The following MAP3K1 variants were observed in gnomAD, a reference collection of about 807,000 sequenced individuals.
MAP3K1 encodes the protein MAP/ERK kinase kinase 1.
MAP3K1 carries 36 observed loss-of-function variants against 144.2 expected under a neutral mutation model. The observed-to-expected ratio is 0.25, with a 90% confidence interval of 0.19 to 0.33. The LOEUF (loss-of-function observed/expected upper bound fraction) is 0.33, where lower values mean the gene tolerates loss of function less well. Ranked by LOEUF, MAP3K1 falls within the 10% of genes least tolerant of loss-of-function variation. MAP3K1 has a pLI of 1.00. For synonymous variants in MAP3K1, 718 were observed against 688.7 expected, an observed-to-expected ratio of 1.04 and a Z score of -0.67; for missense variants, 1,650 against 1,881.9, an observed-to-expected ratio of 0.88 and a Z score of 2.28.
intron 6 of MAP3K1, among the ~76,000 whole-genome samples, chr5:56,869,075 C>G: frequency 6.6e-6 from 1 of 151,262 alleles, no homozygotes; most frequent in Non-Finnish European, 1.5e-5. Context: ...ATAGTGTGAC[C>G]CTGTCTGTAC....
chr5:56,885,817 C>T (rs1285788328), intron 16 of MAP3K1, 115 bp from the exon 17 acceptor site: 2 of 825,614 alleles, frequency 2.4e-6, no homozygotes, highest in East Asian at 2.7e-5. Context: ...AAATGTTTTT[C>T]TTCTGTTTCA....
intron 3 of MAP3K1, among the ~76,000 whole-genome samples, chr5:56,864,125 T>C (rs933524262): frequency 2.0e-5 from 3 of 152,210 alleles, no homozygotes; most frequent in Admixed American, 6.5e-5. Context: ...GCTTTTTGTT[T>C]TGGTTTATAT....
chr5:56,863,213 C>T (rs770224681), intron 3 of MAP3K1, among the ~76,000 whole-genome samples: 2 of 152,224 alleles, frequency 1.3e-5, no homozygotes, highest in Non-Finnish European at 2.9e-5. Context: ...TCAGAGATCT[C>T]TGAACTTGCG....
chr5:56,887,004 C>A (rs1748396962), intron 17 of MAP3K1, among the ~76,000 whole-genome samples: 1 of 152,168 alleles, frequency 6.6e-6, no homozygotes, highest in Non-Finnish European at 1.5e-5. Flanking sequence ...CTCAAGCGAC[C>A]CGCTTGCCTC....
Position 56,895,263 on chromosome 5 carries a change from CTTTGT to C in MAP3K1, c.*1588_*1592del. The stretch of plus-strand genomic sequence containing the variant: ...TGTTTCTTAGTGAAATTTTACATTC[CTTTGT>C]TTTGGAAGATTGGCGATATTTGAAG... On this transcript the variant is annotated 3_prime_UTR_variant, in exon 20 of 20. Transcript: ENST00000399503. The C allele has an allele frequency of 4.3e-6, 1 of 231,744 alleles. No homozygotes were observed. Among genetic ancestry groups the C allele is most frequent in the Non-Finnish European group, 8.5e-6 (1 of 117,324 alleles). 14.4% of individuals were successfully genotyped at this position (231,744 alleles called of 1,614,324 possible). A position where few individuals can be genotyped will look rare whatever the true frequency, so the allele number is the denominator to read the frequency against.
rs1382441843 is a variant in MAP3K1, at chr5:56,887,743, G to A, written c.4257+223G>A. The A allele has an allele frequency of 2.0e-5, 11 of 542,246 alleles. No individual in the cohort carries two copies. The East Asian group carries it at 3.6e-4, about 18-fold the overall frequency. 33.6% of individuals were successfully genotyped at this position (542,246 alleles called of 1,614,324 possible). A position where few individuals can be genotyped will look rare whatever the true frequency, so the allele number is the denominator to read the frequency against. On this transcript the variant is annotated intron_variant, in intron 18 of 19. Coordinates refer to ENST00000399503, the MANE Select transcript of MAP3K1 (RefSeq NM_005921.2). Reference sequence around the variant, plus strand: ...GTTTTAATAGATTTACTTAACGGCTGTTACTAATAAAGAATTCTGGGGTAA... The same window carrying A: ...GTTTTAATAGATTTACTTAACGGCTATTACTAATAAAGAATTCTGGGGTAA...
At chr5:56,835,188 A>G (rs953016739) in intron 1 of MAP3K1, among the ~76,000 whole-genome samples, 2 of 152,216 alleles carry the variant, frequency 1.3e-5, no homozygotes, top group Non-Finnish European at 2.9e-5. Flanking sequence ...TAGCAGGGAA[A>G]TACTAGCTCA....
chr5:56,889,493 A>T (rs1372740381), intron 19 of MAP3K1, among the ~76,000 whole-genome samples: 1 of 152,178 alleles, frequency 6.6e-6, no homozygotes, highest in Non-Finnish European at 1.5e-5. Flanking sequence ...TTAAAAATTC[A>T]CACCCAAGTC....
rs780666910 is a variant in MAP3K1, at chr5:56,882,270, A to C, written c.3070A>C (p.Lys1024Gln). 2.4e-5 allele frequency: 38 copies of C among 1,613,972 alleles called. No individual in the cohort carries two copies. Among genetic ancestry groups the C allele is most frequent in the Admixed American group, 6.7e-5 (4 of 59,982 alleles). ...TTCTGCATCTCCTCAAACACAGCGCAAGTTTTCTCTACAATTCCACAGAAA... is the reference window on the plus strand; with the variant it reads ...TTCTGCATCTCCTCAAACACAGCGCCAGTTTTCTCTACAATTCCACAGAAA... ...IPSASPQTQR[K>Q]FSLQFHRNCP... The change falls in exon 14 of 20, where the codon AAG becomes CAG. Residue 1024 changes from lysine to glutamine, a missense_variant. Lys to Gln is a moderately conservative substitution (Grantham distance 53). Around this residue, in one of 6 missense-constraint regions of MAP3K1, gnomAD observed 841 missense variants for 886.5 expected, o/e 0.95. Coordinates refer to ENST00000399503, the MANE Select transcript of MAP3K1 (RefSeq NM_005921.2).
chr5:56,880,678 C>G (rs1424760473), intron 11 of MAP3K1, 33 bp from the exon 12 acceptor site: 3 of 1,447,306 alleles, frequency 2.1e-6, no homozygotes, highest in South Asian at 2.3e-5. Context: ...TAGCCAAGAT[C>G]CAGGATTGAT....
In MAP3K1 at chr5:56,883,668, G is replaced by A. The variant is rs2111951660; in HGVS notation, c.3808G>A (p.Ala1270Thr). Residue 1270 changes from alanine (A) to threonine (T), a missense_variant, in exon 15 of 20, where the codon GCT (alanine) becomes ACT (threonine). Around this residue, in one of 6 missense-constraint regions of MAP3K1, gnomAD observed 165 missense variants for 322.9 expected, o/e 0.51. Coordinates refer to ENST00000399503, the MANE Select transcript of MAP3K1 (RefSeq NM_005921.2). ...AQDVGTGTLM[A>T]VKQVTYVRNT... ...AGATGTGGGAACTGGAACTTTAATGGCTGTTAAACAGGTAAATATCTAGTG... is the reference window on the plus strand; with the variant it reads ...AGATGTGGGAACTGGAACTTTAATGACTGTTAAACAGGTAAATATCTAGTG... 1 of 1,614,030 alleles carries A rather than the reference G, an allele frequency of 6.2e-7. No individual in the cohort carries two copies. The highest frequency in any genetic ancestry group is 8.5e-7 in the Non-Finnish European group (1 of 1,179,962).
At position 56,885,918 on chromosome 5, in the gene MAP3K1, C is replaced by G. The variant is rs761190982; in HGVS notation, c.3983-14C>G. On this transcript the variant is annotated splice_polypyrimidine_tract_variant and intron_variant, in intron 16 of 19. Transcript: ENST00000399503. Reference sequence around the variant, plus strand: ...TGTCTTAAGTTTATGATAATTATTTCTATTGTCTTATAGGGGGATCGGTGG... The same window carrying G: ...TGTCTTAAGTTTATGATAATTATTTGTATTGTCTTATAGGGGGATCGGTGG... The G allele has an allele frequency of 6.2e-7, 1 of 1,610,188 alleles. No individual in the cohort carries two copies. Among genetic ancestry groups the G allele is most frequent in the Non-Finnish European group, 8.5e-7 (1 of 1,176,718 alleles).
At chr5:56,859,048 G>A (rs1314227553) in intron 2 of MAP3K1, among the ~76,000 whole-genome samples, 2 of 136,978 alleles carry the variant, frequency 1.5e-5, no homozygotes, top group Non-Finnish European at 3.1e-5. Context: ...GGCTAGATTA[G>A]GTCTGAAAGC....
At position 56,817,244 on chromosome 5, in the gene MAP3K1, G is replaced by C. The variant is rs534807037; in HGVS notation, c.482+1189G>C. ...TTTGTTTTTTAAAAACCTGATTAACGTATGCAAAGTACAAAGTCTTGATGG... is the reference window on the plus strand; with the variant it reads ...TTTGTTTTTTAAAAACCTGATTAACCTATGCAAAGTACAAAGTCTTGATGG... On this transcript the variant is annotated intron_variant, in intron 1 of 19. Transcript: ENST00000399503. 422 of 282,588 alleles carry C rather than the reference G, an allele frequency of 1.5e-3. 1 individual carries two copies. Among genetic ancestry groups the C allele is most frequent in the Non-Finnish European group, 2.0e-3 (373 of 187,460 alleles). The allele number at this position is 282,588 out of a possible 1,614,324, so 17.5% of individuals were successfully genotyped here. A position where few individuals can be genotyped will look rare whatever the true frequency, so the allele number is the denominator to read the frequency against.
chr5:56,880,499 ATAG>A (rs1341785284), intron 11 of MAP3K1, among the ~76,000 whole-genome samples: 1 of 152,214 alleles, frequency 6.6e-6, no homozygotes, highest in East Asian at 1.9e-4. Context: ...TGTGCTTAAC[ATAG>A]GGGATATGTT....
Position 56,859,746 on chromosome 5 carries a change from G to T in MAP3K1, c.665G>T (p.Gly222Val), listed in dbSNP as rs1214852294. The change falls in exon 3 of 20, where the codon GGA (glycine) becomes GTA (valine). Residue 222 changes from glycine to valine, a missense_variant. Transcript: ENST00000399503. ...VVKPIPVKGD[G>V]SEMNHLAAES... Reference sequence around the variant, plus strand: ...AAACCAATCCCAGTTAAAGGAGATGGATCTGAAATGAATCACTTAGCAGCT... The same window carrying T: ...AAACCAATCCCAGTTAAAGGAGATGTATCTGAAATGAATCACTTAGCAGCT... 1 of 1,613,930 alleles carries T rather than the reference G, an allele frequency of 6.2e-7. No homozygotes were observed. The highest frequency in any genetic ancestry group is 8.5e-7 in the Non-Finnish European group (1 of 1,179,964).
chr5:56,852,914 C>CACAA (rs1367652127), intron 1 of MAP3K1, among the ~76,000 whole-genome samples: 7 of 151,884 alleles, frequency 4.6e-5, no homozygotes, highest in Non-Finnish European at 1.0e-4. Context: ...CATACACACA[C>CACAA]ACACTCATCT....
At chr5:56,889,043 G>C (rs776269799) in intron 19 of MAP3K1, among the ~76,000 whole-genome samples, 1 of 152,138 alleles carries the variant, frequency 6.6e-6, no homozygotes, top group Non-Finnish European at 1.5e-5. Context: ...GAAATATGTA[G>C]TGTGTTTATA....
At chr5:56,841,601 T>G (rs981067140) in intron 1 of MAP3K1, among the ~76,000 whole-genome samples, 3 of 152,198 alleles carry the variant, frequency 2.0e-5, no homozygotes, top group African/African-American at 7.2e-5. Flanking sequence ...CTCTCCAGAT[T>G]TAACGATTAA....
Sources: allele counts gnomAD v4.1 joint callset (sites outside exome capture counted in the v4.1 genomes callset), GRCh38; gene constraint gnomAD v4.1.1; regional missense constraint gnomAD v4.1.1; transcripts MANE v1.5; gene names NCBI Gene and HGNC (gene_info 2026-07-23, HGNC 2026-07-21).